UBOX5: variants seen among roughly 807,000 people sequenced by gnomAD.
The protein encoded by UBOX5 is U-box domain containing 5.
In UBOX5, 28 loss-of-function variants were observed where a neutral mutation model predicts 39.0. That is an observed-to-expected ratio of 0.72 (90% CI 0.53 to 0.98). UBOX5 has a LOEUF of 0.98. UBOX5 is among the 50% of genes least tolerant of loss of function. UBOX5 has a pLI of 0.00. For synonymous variants in UBOX5, 283 were observed against 275.5 expected (o/e 1.03, Z -0.27); for missense variants, 585 against 674.4 (o/e 0.87, Z 1.47).
In UBOX5 at chr20:3,115,336, G is replaced by A; in HGVS notation, c.1386C>T (p.Ser462=). 1 of 1,613,494 alleles carries A rather than the reference G, an allele frequency of 6.2e-7. No individual in the cohort carries two copies. Among genetic ancestry groups the A allele is most frequent in the Admixed American group, 1.7e-5 (1 of 59,944 alleles). ...GQLQHLGTRG[S]NTSWRPGTGS... ...CGGTGCCAGGCCTCCAGGAAGTGTT[G>A]CTCCCTCTTGTGCCAAGGTGCTGGA... is the stretch of plus-strand genomic sequence containing the variant. Residue 462 remains serine, a synonymous_variant, in exon 4 of 5, where the codon AGC becomes AGT. Coordinates refer to ENST00000217173, the MANE Select transcript of UBOX5 (RefSeq NM_014948.4).
chr20:3,119,371 C>A (rs1185953273), intron 3 of UBOX5, among the ~76,000 whole-genome samples: 1 of 152,196 alleles, frequency 6.6e-6, no homozygotes, highest in Non-Finnish European at 1.5e-5. Context: ...TTGAGATGAC[C>A]ACAGCCTCAG....
intron 1 of UBOX5, among the ~76,000 whole-genome samples, chr20:3,131,629 T>C (rs1384697603): frequency 6.6e-6 from 1 of 152,252 alleles, no homozygotes; most frequent in Non-Finnish European, 1.5e-5. Flanking sequence ...GTGAAACTAT[T>C]CTGTATTACA....
At position 3,122,134 on chromosome 20, in the gene UBOX5, G is replaced by A; in HGVS notation, c.505C>T (p.His169Tyr). The A allele has an allele frequency of 6.2e-7, 1 of 1,614,246 alleles. No homozygotes were observed. The highest frequency in any genetic ancestry group is 8.5e-7 in the Non-Finnish European group (1 of 1,180,046). ...LWNKGALSLS[H>Y]VAHLRICITH... Reference sequence around the variant, plus strand: ...ATACAGATCCTTAAGTGGGCCACGTGGCTAAGGGAAAGAGCCCCTTTATTC... The same window carrying A: ...ATACAGATCCTTAAGTGGGCCACGTAGCTAAGGGAAAGAGCCCCTTTATTC... Residue 169 changes from histidine (H) to tyrosine (Y), a missense_variant, in exon 3 of 5, where the codon CAC becomes TAC. Coordinates refer to ENST00000217173, the MANE Select transcript of UBOX5 (RefSeq NM_014948.4).
intron 3 of UBOX5, among the ~76,000 whole-genome samples, chr20:3,119,110 AG>A (rs1479808369): frequency 6.6e-6 from 1 of 152,246 alleles, no homozygotes; most frequent in Non-Finnish European, 1.5e-5. Flanking sequence ...ATACAATAGA[AG>A]TGAGGAGTGT....
In UBOX5 at chr20:3,107,917, G is replaced by C. The variant is rs1300746813; in HGVS notation, c.*2189C>G. The C allele has an allele frequency of 6.6e-6, 1 of 152,238 alleles. No individual in the cohort carries two copies. Among genetic ancestry groups the C allele is most frequent in the Non-Finnish European group, 1.5e-5 (1 of 68,102 alleles). The allele number at this position is 152,238 out of a possible 1,614,324, so 9.4% of individuals were successfully genotyped here. On this transcript the variant is annotated 3_prime_UTR_variant, in exon 5 of 5. Coordinates refer to ENST00000217173, the MANE Select transcript of UBOX5 (RefSeq NM_014948.4). The surrounding 1 kb of genome is among the most constrained non-coding windows in gnomAD (Gnocchi z 5.0). ...CCTCATCTGGGAGCGCCGTGCTGAC[G>C]CTGACTGCACGCTAGGGCTCTCGGG... is the stretch of plus-strand genomic sequence containing the variant.
rs371836196 is a variant in UBOX5, at chr20:3,147,634, C to T, written c.-42+12132G>A. 4 of 1,614,080 alleles carry T rather than the reference C, an allele frequency of 2.5e-6. No homozygotes were observed. The African/African-American group carries it at 5.3e-5, about 22-fold the overall frequency. On this transcript the variant is annotated intron_variant, in intron 1 of 4. Transcript: ENST00000217173. ...CTACTGGAAAGTACTCCAAAAATGC[C>T]AGGCCCAGCAGGCAGGTGGGCAGGT...
At chr20:3,137,880 A>G (rs1157101163) in intron 1 of UBOX5, among the ~76,000 whole-genome samples, 3 of 152,242 alleles carry the variant, frequency 2.0e-5, no homozygotes, top group Non-Finnish European at 2.9e-5. Context: ...ACTCCAGTTA[A>G]GCTCACTGCC....
Position 3,122,387 on chromosome 20 carries a change from G to A in UBOX5, c.252C>T (p.Tyr84=). 1 of 1,614,192 alleles carries A rather than the reference G, an allele frequency of 6.2e-7. No individual in the cohort carries two copies. The highest frequency in any genetic ancestry group is 1.1e-5 in the South Asian group (1 of 91,088). ...GGQNVTGLEM[Y]TSASSSRVSW... ...ACACTCTGCTAGATGAGGCAGATGT[G>A]TACATTTCCAGGCCAGTGACGTTCT... The change falls in exon 3 of 5, where the codon TAC becomes TAT. Residue 84 remains tyrosine, a synonymous_variant. Coordinates refer to ENST00000217173, the MANE Select transcript of UBOX5 (RefSeq NM_014948.4).
intron 1 of UBOX5, among the ~76,000 whole-genome samples, chr20:3,156,272 TTTAAG>T (rs1171563597): frequency 6.7e-6 from 1 of 148,850 alleles, no homozygotes; most frequent in Non-Finnish European, 1.5e-5. Context: ...GCATCCCGGG[TTTAAG>T]TAATTCTCCT....
Position 3,108,603 on chromosome 20 carries a change from C to A in UBOX5, c.*1503G>T, listed in dbSNP as rs1308983118. The A allele has an allele frequency of 6.6e-6, 1 of 152,258 alleles. No homozygotes were observed. The highest frequency in any genetic ancestry group is 2.4e-5 in the African/African-American group (1 of 41,464). The allele number at this position is 152,258 out of a possible 1,614,324, so 9.4% of individuals were successfully genotyped here. A position where few individuals can be genotyped will look rare whatever the true frequency, so the allele number is the denominator to read the frequency against. On this transcript the variant is annotated 3_prime_UTR_variant, in exon 5 of 5. Coordinates refer to ENST00000217173, the MANE Select transcript of UBOX5 (RefSeq NM_014948.4). ...AGAGGAAGCAGAGCAAAGCATGTGA[C>A]CACCTCTCTGAAGCCATCTTTGTGG...
intron 1 of UBOX5, among the ~76,000 whole-genome samples, chr20:3,134,339 G>GA (rs950849725): frequency 2.0e-5 from 3 of 151,680 alleles, no homozygotes; most frequent in Non-Finnish European, 2.9e-5. Flanking sequence ...TTTTTACTAT[G>GA]AAAAAAATGC....
rs560633885 is a variant in UBOX5, at chr20:3,111,838, C to T, written c.1418-1524G>A. 7.2e-5 allele frequency: 11 copies of T among 152,310 alleles called. No individual in the cohort carries two copies. The South Asian group carries it at 1.7e-3, about 23-fold the overall frequency. 9.4% of individuals were successfully genotyped at this position (152,310 alleles called of 1,614,324 possible). On this transcript the variant is annotated intron_variant, in intron 4 of 4. Coordinates refer to ENST00000217173, the MANE Select transcript of UBOX5 (RefSeq NM_014948.4). ...TTTCTCATCCGGCCTCAGGACCTGGCGCAGCACCTCACAGGGCAAGTGCTC... is the reference window on the plus strand; with the variant it reads ...TTTCTCATCCGGCCTCAGGACCTGGTGCAGCACCTCACAGGGCAAGTGCTC...
intron 1 of UBOX5, among the ~76,000 whole-genome samples, chr20:3,157,968 T>C (rs1441074445): frequency 6.6e-6 from 1 of 152,030 alleles, no homozygotes; most frequent in Non-Finnish European, 1.5e-5. Flanking sequence ...CAATCTCCGC[T>C]CACTGCATCC....
At position 3,149,815 on chromosome 20, in the gene UBOX5, C is replaced by T. The variant is rs2066606068; in HGVS notation, c.-42+9951G>A. 2.0e-5 allele frequency among the ~76,000 whole-genome samples: 3 copies of T among 152,142 alleles called. No homozygotes were observed. In the South Asian group the frequency reaches 6.2e-4, roughly 32 times the overall value. ...GGCAGATCACTTGAGGTCAGGAGTT[C>T]AAGACCAGCCTGGCCAACAAGGCGA... On this transcript the variant is annotated intron_variant, in intron 1 of 4. Transcript: ENST00000217173. This position sits in a 1 kb window ranked among gnomAD's most constrained non-coding sequence, Gnocchi z 4.1.
chr20:3,132,305 G>A (rs1013376191), intron 1 of UBOX5, among the ~76,000 whole-genome samples: 6 of 152,012 alleles, frequency 3.9e-5, no homozygotes, highest in African/African-American at 1.5e-4. Flanking sequence ...GTGAGACCCT[G>A]TCTCAAAACA....
At chr20:3,122,695 C>T in intron 2 of UBOX5, 111 bp from the exon 3 acceptor site, 6 of 1,384,756 alleles carry the variant, frequency 4.3e-6, no homozygotes, top group Non-Finnish European at 5.7e-6. Flanking sequence ...CTCTATTAAA[C>T]TGAATTGTCC....
chr20:3,117,354 C>A (rs1488651057), intron 3 of UBOX5, among the ~76,000 whole-genome samples: 1 of 151,004 alleles, frequency 6.6e-6, no homozygotes, highest in African/African-American at 2.4e-5. Context: ...CTAATGAATA[C>A]AAAAATCCTA....
intron 3 of UBOX5, among the ~76,000 whole-genome samples, chr20:3,118,204 C>T (rs571232925): frequency 1.6e-3 from 235 of 149,018 alleles, no homozygotes; most frequent in African/African-American, 5.6e-3. Flanking sequence ...CGGGCACTAT[C>T]GCTCATGCCT....
At chr20:3,157,384 G>A (rs534079514) in intron 1 of UBOX5, among the ~76,000 whole-genome samples, 13 of 152,334 alleles carry the variant, frequency 8.5e-5, no homozygotes, top group African/African-American at 3.1e-4. Context: ...AAATTATTCA[G>A]TCTAGCAATC....
Sources: gnomAD v4.1 joint callset for allele counts (sites outside exome capture counted in the v4.1 genomes callset) on GRCh38, gnomAD v4.1.1 for gene constraint, Gnocchi (gnomAD v3.1) non-coding constraint, MANE v1.5 for transcripts, NCBI Gene and HGNC (gene_info 2026-07-23, HGNC 2026-07-21) for gene names.